ITPK1: variants seen among roughly 807,000 people sequenced by gnomAD.
The protein encoded by ITPK1 is inositol 1,3,4-trisphosphate 5/6-kinase.
A neutral mutation model predicts 45.3 loss-of-function variants in ITPK1; 21 were observed. The observed-to-expected ratio is 0.46, with a 90% CI of 0.33 to 0.67. The LOEUF (loss-of-function observed/expected upper bound fraction) is 0.67, where lower values mean the gene tolerates loss of function less well. Ranked by LOEUF, ITPK1 falls within the 30% of genes least tolerant of loss-of-function variation. ITPK1 has a pLI of 0.02. For missense variants in ITPK1, 474 were observed against 573.5 expected (o/e 0.83, Z 1.77); for synonymous variants, 258 against 253.6 (o/e 1.02, Z -0.16).
chr14:93,008,099 G>A (rs1165776881), intron 4 of ITPK1, among the ~76,000 whole-genome samples: 1 of 152,240 alleles, frequency 6.6e-6, no homozygotes, highest in Non-Finnish European at 1.5e-5. Context: ...TTTCACTGAA[G>A]GGCCTGGTCA....
intron 9 of ITPK1, among the ~76,000 whole-genome samples, chr14:92,949,185 C>T (rs760473913): frequency 6.6e-6 from 1 of 152,010 alleles, no homozygotes; most frequent in Non-Finnish European, 1.5e-5. Context: ...CCTCGACCTT[C>T]CGGGCTCAAA....
At chr14:92,957,542 T>C (rs1884802967) in intron 8 of ITPK1, among the ~76,000 whole-genome samples, 1 of 152,166 alleles carries the variant, frequency 6.6e-6, no homozygotes, top group Non-Finnish European at 1.5e-5. Flanking sequence ...GGCTGCTCCC[T>C]GGGAGGCTGC....
At chr14:93,030,355 C>A (rs139384727) in intron 3 of ITPK1, among the ~76,000 whole-genome samples, 81 of 152,372 alleles carry the variant, frequency 5.3e-4, no homozygotes, top group African/African-American at 1.9e-3. Context: ...TCTTTACTCT[C>A]CTCTGGTTTT....
In ITPK1 at chr14:93,011,190, C is replaced by T. The variant is rs187139498; in HGVS notation, c.246+5486G>A. Among the ~76,000 whole-genome samples the T allele has an allele frequency of 1.7e-4, 26 of 152,344 alleles. No homozygotes were observed. In the East Asian group the frequency reaches 4.0e-3, roughly 24 times the overall value. On this transcript the variant is annotated intron_variant, in intron 4 of 10. Transcript: ENST00000267615. ...CTGAGAGCCAGCATAAGCCTCACTG[C>T]CTTCTCATCCCTCTGCCATGACGGC...
chr14:92,993,668 C>T (rs1886903531), intron 5 of ITPK1, among the ~76,000 whole-genome samples: 1 of 152,200 alleles, frequency 6.6e-6, no homozygotes, highest in African/African-American at 2.4e-5. Context: ...CCCCCTTCCG[C>T]AAGAGCACCC....
chr14:92,952,271 C>T (rs1887992519), intron 8 of ITPK1, among the ~76,000 whole-genome samples: 1 of 152,216 alleles, frequency 6.6e-6, no homozygotes, highest in South Asian at 2.1e-4. Flanking sequence ...CACAGCATCA[C>T]ATCTGGTTTT....
chr14:92,951,454 C>G (rs1368549395), intron 9 of ITPK1, among the ~76,000 whole-genome samples: 1 of 152,166 alleles, frequency 6.6e-6, no homozygotes, highest in African/African-American at 2.4e-5. Flanking sequence ...TGGGCTGACA[C>G]TGGCCACAGC....
intron 8 of ITPK1, among the ~76,000 whole-genome samples, chr14:92,955,939 G>C (rs1449370560): frequency 1.3e-5 from 2 of 152,206 alleles, no homozygotes; most frequent in African/African-American, 2.4e-5. Flanking sequence ...TCCAGAAAGA[G>C]AACATACACG....
chr14:93,092,496 A>G (rs1013389571), intron 2 of ITPK1, among the ~76,000 whole-genome samples: 5 of 152,236 alleles, frequency 3.3e-5, no homozygotes, highest in African/African-American at 1.2e-4. Context: ...CACTGCCTGG[A>G]AACAGAGCTC....
Position 92,940,794 on chromosome 14 carries a change from C to G in ITPK1, c.*767G>C, listed in dbSNP as rs562293795. On this transcript the variant is annotated 3_prime_UTR_variant, in exon 11 of 11. Coordinates refer to ENST00000267615, the MANE Select transcript of ITPK1 (RefSeq NM_014216.6). ...ATCCTCAGCACAGGCGCCATCGGCT[C>G]GGGCCTCCAGCCAGGCAGCCTCCTT... 2 of 1,287,612 alleles carry G rather than the reference C, an allele frequency of 1.6e-6. No homozygotes were observed. The highest frequency in any genetic ancestry group is 1.0e-6 in the Non-Finnish European group (1 of 987,966). The allele number at this position is 1,287,612 out of a possible 1,614,324, so 79.8% of individuals were successfully genotyped here.
At chr14:93,103,436 G>T (rs375009398) in intron 2 of ITPK1, among the ~76,000 whole-genome samples, 139 of 152,050 alleles carry the variant, frequency 9.1e-4, no homozygotes, top group African/African-American at 2.9e-3. Flanking sequence ...AAAATAAGAA[G>T]AAGAAGAAAC....
chr14:92,946,695 C>T (rs1595075513), intron 9 of ITPK1, among the ~76,000 whole-genome samples: 1 of 152,234 alleles, frequency 6.6e-6, no homozygotes, highest in Non-Finnish European at 1.5e-5. Flanking sequence ...GTGTGTGAGG[C>T]TCATTACCTC....
intron 4 of ITPK1, among the ~76,000 whole-genome samples, chr14:93,013,909 G>T (rs1050728165): frequency 1.3e-5 from 2 of 152,218 alleles, no homozygotes; most frequent in Admixed American, 6.5e-5. Flanking sequence ...TGACAGCCCA[G>T]TGACCGGTGG....
At chr14:93,082,104 A>C (rs1173955546) in intron 2 of ITPK1, among the ~76,000 whole-genome samples, 6 of 150,338 alleles carry the variant, frequency 4.0e-5, no homozygotes, top group Non-Finnish European at 7.4e-5. Flanking sequence ...CAGTGGAAGC[A>C]GGATCTGATT....
In ITPK1 at chr14:93,003,252, G is replaced by C. The variant is rs566844669; in HGVS notation, c.247-9255C>G. Among the ~76,000 whole-genome samples, 4 of 152,326 alleles carry C rather than the reference G, an allele frequency of 2.6e-5. No homozygotes were observed. In the East Asian group the frequency reaches 5.8e-4, roughly 22 times the overall value. ...CTGGGAGGTCAGGTCACATGGGGAG[G>C]GGGTGGGGCCAGGCCAAGCAATGCT... On this transcript the variant is annotated intron_variant, in intron 4 of 10. Transcript: ENST00000267615.
chr14:92,941,651 C>T lies in ITPK1; in HGVS notation c.1155G>A (p.Pro385=), dbSNP rs572318884. 6.6e-5 allele frequency: 101 copies of T among 1,540,378 alleles called. No homozygotes were observed. In the East Asian group the frequency reaches 6.6e-4, roughly 10 times the overall value. ...EADAGGTAKL[P]HQRLGCNAGV... ...CGGCGTTGCAGCCGAGTCTCTGGTG[C>T]GGCAGCTTGGCGGTGCCGCCCGCGT... is the stretch of plus-strand genomic sequence containing the variant. Residue 385 remains proline, a synonymous_variant, in exon 11 of 11, where the codon CCG becomes CCA. Transcript: ENST00000267615.
chr14:93,100,464 C>T (rs185573638), intron 2 of ITPK1, among the ~76,000 whole-genome samples: 10 of 151,802 alleles, frequency 6.6e-5, no homozygotes, highest in Non-Finnish European at 8.8e-5. Context: ...CACCTTGCAC[C>T]ACATGGGCCT....
intron 5 of ITPK1, among the ~76,000 whole-genome samples, chr14:92,965,038 C>T (rs757199551): frequency 1.3e-5 from 2 of 152,198 alleles, no homozygotes; most frequent in Non-Finnish European, 2.9e-5. Context: ...GCATAGAGTT[C>T]CATGGTGAGC....
chr14:92,957,608 G>A (rs1350615000), intron 8 of ITPK1, among the ~76,000 whole-genome samples: 1 of 152,132 alleles, frequency 6.6e-6, no homozygotes, highest in African/African-American at 2.4e-5. Context: ...TGACACCCAC[G>A]GGACTCCTAG....
Sources: allele counts gnomAD v4.1 joint callset (sites outside exome capture counted in the v4.1 genomes callset), GRCh38; gene constraint gnomAD v4.1.1; transcripts MANE v1.5; gene names NCBI Gene and HGNC (gene_info 2026-07-23, HGNC 2026-07-21).